EBF1: variants seen among roughly 807,000 people sequenced by gnomAD.
EBF1 encodes EBF transcription factor 1, also known as transcription factor COE1.
Under a neutral mutation model 68.4 loss-of-function variants are expected in EBF1, and 10 were observed. The ratio of observed to expected loss-of-function variants is 0.15; its 90% confidence interval spans 0.09 to 0.25. The LOEUF (loss-of-function observed/expected upper bound fraction) is 0.25, where lower values mean the gene tolerates loss of function less well. EBF1 is among the 10% of genes least tolerant of loss of function. The pLI, the probability that EBF1 is intolerant of heterozygous loss-of-function variation, is 1.00. For missense variants in EBF1, 509 were observed against 794.4 expected, an observed-to-expected ratio of 0.64 and a Z score of 4.32; for synonymous variants, 298 against 299.8, an observed-to-expected ratio of 0.99 and a Z score of 0.06.
intron 6 of EBF1, among the ~76,000 whole-genome samples, chr5:159,044,715 T>A (rs528646752): frequency 3.5e-4 from 53 of 152,362 alleles, no homozygotes; most frequent in African/African-American, 1.2e-3. Context: ...TATTACTCAC[T>A]GTTGTTGTCA....
intron 6 of EBF1, among the ~76,000 whole-genome samples, chr5:159,065,822 A>G (rs1776702666): frequency 6.6e-6 from 1 of 152,200 alleles, no homozygotes; most frequent in Admixed American, 6.5e-5. Context: ...AAAGAAAACA[A>G]TAAAAGAACA....
In EBF1 at chr5:158,801,698, G is replaced by A. The variant is rs371454646; in HGVS notation, c.779-5223C>T. Reference sequence around the variant, plus strand: ...AAAAAAAAAAAGAAAGAAAGAAATCGTTCAGCTCCAGTACGTATTTAACAA... The same window carrying A: ...AAAAAAAAAAAGAAAGAAAGAAATCATTCAGCTCCAGTACGTATTTAACAA... On this transcript the variant is annotated intron_variant, in intron 8 of 15. Coordinates refer to ENST00000313708, the MANE Select transcript of EBF1 (RefSeq NM_024007.5). Among the ~76,000 whole-genome samples the A allele has an allele frequency of 6.6e-4, 100 of 150,984 alleles. 1 individual carries two copies. The highest frequency in any genetic ancestry group is 2.1e-3 in the African/African-American group (88 of 41,220).
chr5:158,890,089 A>C (rs111636756), intron 6 of EBF1, among the ~76,000 whole-genome samples: 2 of 152,184 alleles, frequency 1.3e-5, no homozygotes, highest in African/African-American at 4.8e-5. Context: ...CGGAAGGACA[A>C]CTATAATAAT....
chr5:159,037,879 T>A (rs905952005), intron 6 of EBF1, among the ~76,000 whole-genome samples: 4 of 152,110 alleles, frequency 2.6e-5, no homozygotes, highest in Admixed American at 2.6e-4. Flanking sequence ...ACTGCCACCA[T>A]CACATTTGCC....
At chr5:158,899,973 G>A (rs1802953088) in intron 6 of EBF1, among the ~76,000 whole-genome samples, 1 of 152,028 alleles carries the variant, frequency 6.6e-6, no homozygotes, top group African/African-American at 2.4e-5. Context: ...TGGCATCATC[G>A]AACCCAGATG....
At chr5:158,909,389 C>T (rs1476149577) in intron 6 of EBF1, among the ~76,000 whole-genome samples, 1 of 152,062 alleles carries the variant, frequency 6.6e-6, no homozygotes, top group Non-Finnish European at 1.5e-5. Flanking sequence ...ACAATAAGGG[C>T]TTATGTTTAA....
At chr5:158,797,008 T>A (rs1455965169) in intron 8 of EBF1, among the ~76,000 whole-genome samples, 1 of 151,934 alleles carries the variant, frequency 6.6e-6, no homozygotes, top group Non-Finnish European at 1.5e-5. Context: ...ATCATTACGA[T>A]TTTTTTTCAA....
chr5:158,834,521 C>A (rs78097817), intron 7 of EBF1, among the ~76,000 whole-genome samples: 1 of 149,596 alleles, frequency 6.7e-6, no homozygotes, highest in African/African-American at 2.5e-5. Context: ...AAAAAAAAAA[C>A]ATTGTGCCAG....
At chr5:159,031,212 G>A (rs1768772279) in intron 6 of EBF1, among the ~76,000 whole-genome samples, 1 of 152,208 alleles carries the variant, frequency 6.6e-6, no homozygotes, top group Non-Finnish European at 1.5e-5. Context: ...ACAGCCCAGG[G>A]ACAGGCTGGG....
At chr5:158,850,177 A>G (rs75479499) in intron 6 of EBF1, among the ~76,000 whole-genome samples, 73 of 152,354 alleles carry the variant, frequency 4.8e-4, no homozygotes, top group Admixed American at 2.0e-3. Flanking sequence ...AAAAGGCCAT[A>G]TAACTAAAGT....
At chr5:158,805,326 G>A (rs529165311) in intron 8 of EBF1, among the ~76,000 whole-genome samples, 11 of 152,200 alleles carry the variant, frequency 7.2e-5, no homozygotes, top group Non-Finnish European at 1.0e-4. Flanking sequence ...GGCTGGAGTC[G>A]TATTTTTAAC....
Position 158,796,334 on chromosome 5 carries a change from A to T in EBF1, c.909+11T>A. ...CAAGCTATTAGATATTAATGTTCAGACAACACCTACCTCACTCCAGACCAG... is the reference window on the plus strand; with the variant it reads ...CAAGCTATTAGATATTAATGTTCAGTCAACACCTACCTCACTCCAGACCAG... On this transcript the variant is annotated intron_variant, in intron 9 of 15. Coordinates refer to ENST00000313708, the MANE Select transcript of EBF1 (RefSeq NM_024007.5). The T allele has an allele frequency of 6.2e-7, 1 of 1,607,064 alleles. No individual in the cohort carries two copies. Among genetic ancestry groups the T allele is most frequent in the South Asian group, 1.1e-5 (1 of 89,556 alleles).
At chr5:158,794,463 G>A (rs185782167) in intron 9 of EBF1, among the ~76,000 whole-genome samples, 18 of 152,272 alleles carry the variant, frequency 1.2e-4, no homozygotes, top group South Asian at 4.1e-4. Flanking sequence ...TTGATTAAGC[G>A]TAAGGCAGAG....
At chr5:158,823,403 G>A in intron 7 of EBF1, 86 bp from the exon 8 acceptor site, 2 of 1,329,058 alleles carry the variant, frequency 1.5e-6, no homozygotes, top group Non-Finnish European at 2.1e-6. Flanking sequence ...TAACAGCTGG[G>A]AGCTGAAGAA....
intron 10 of EBF1, among the ~76,000 whole-genome samples, chr5:158,734,688 T>TC (rs1764811906): frequency 6.6e-6 from 1 of 151,620 alleles, no homozygotes; most frequent in Non-Finnish European, 1.5e-5. Flanking sequence ...CCAATTTTTT[T>TC]CCCCCTCAAA....
chr5:159,021,582 G>A (rs1766693140), intron 6 of EBF1, among the ~76,000 whole-genome samples: 1 of 152,216 alleles, frequency 6.6e-6, no homozygotes, highest in Non-Finnish European at 1.5e-5. Context: ...ACACGTGCGT[G>A]TGTATATAAA....
At chr5:158,821,553 T>C (rs1784820730) in intron 8 of EBF1, among the ~76,000 whole-genome samples, 1 of 152,196 alleles carries the variant, frequency 6.6e-6, no homozygotes, top group Non-Finnish European at 1.5e-5. Flanking sequence ...CTATTGCAAC[T>C]AACCACCCAC....
intron 7 of EBF1, among the ~76,000 whole-genome samples, chr5:158,829,577 TG>T (rs1229673107): frequency 1.3e-5 from 2 of 149,698 alleles, no homozygotes; most frequent in Non-Finnish European, 3.0e-5. Flanking sequence ...TAGGGGAAAC[TG>T]GGGGTTAGGG....
chr5:158,819,637 T>C (rs1784429548), intron 8 of EBF1, among the ~76,000 whole-genome samples: 2 of 152,198 alleles, frequency 1.3e-5, no homozygotes, highest in Non-Finnish European at 2.9e-5. Flanking sequence ...GCGCTGAACA[T>C]AGCCTTGTGG....
Sources: allele counts gnomAD v4.1 joint callset (sites outside exome capture counted in the v4.1 genomes callset), GRCh38; gene constraint gnomAD v4.1.1; transcripts MANE v1.5; gene names NCBI Gene and HGNC (gene_info 2026-07-23, HGNC 2026-07-21).